Variants in VILL observed in about 807,000 individuals in gnomAD.
The protein encoded by VILL is villin-like protein.
In VILL, 102 loss-of-function variants were observed where a neutral mutation model predicts 106.3. The observed-to-expected ratio is 0.96, with a 90% CI of 0.82 to 1.13. VILL has a LOEUF of 1.13. Ranked by LOEUF, VILL falls within the 50% of genes most tolerant of loss-of-function variation. The pLI, the probability that VILL is intolerant of heterozygous loss-of-function variation, is 0.00. For missense variants in VILL, 1,076 were observed against 1,116.6 expected (o/e 0.96, Z 0.52); for synonymous variants, 431 against 440.3 (o/e 0.98, Z 0.27).
intron 1 of VILL, among the ~76,000 whole-genome samples, chr3:37,993,217 G>C (rs775998758): frequency 6.6e-6 from 1 of 152,224 alleles, no homozygotes; most frequent in Non-Finnish European, 1.5e-5. Context: ...CAGAACCACA[G>C]AGCACAGACT....
At chr3:37,993,754 G>A (rs1208831918) in intron 2 of VILL, 22 bp downstream of exon 2, 3 of 1,613,310 alleles carry the variant, frequency 1.9e-6, no homozygotes, top group Admixed American at 1.7e-5. Context: ...GACCAAATAG[G>A]AGAGTTGGTG....
chr3:37,995,790 G>T lies in VILL; in HGVS notation c.393G>T (p.Leu131Phe). 1 of 1,614,036 alleles carries T rather than the reference G, an allele frequency of 6.2e-7. No homozygotes were observed. Among genetic ancestry groups the T allele is most frequent in the Middle Eastern group, 1.6e-4 (1 of 6,062 alleles). ...ASDLKHVETN[L>F]FNIQRLLHIK... ...ACCTCAAGCATGTGGAGACCAACTT[G>T]TTCAACATCCAGCGACTGCTGCACA... The change falls in exon 5 of 20, where the codon TTG (leucine) becomes TTT (phenylalanine). Residue 131 changes from leucine to phenylalanine, a missense_variant. Physicochemically the swap from Leu to Phe is conservative, Grantham distance 22. Coordinates refer to ENST00000383759, the MANE Select transcript of VILL (RefSeq NM_015873.4).
chr3:38,001,256 G>C, intron 11 of VILL, 200 bp from the exon 12 acceptor site: 2 of 772,244 alleles, frequency 2.6e-6, no homozygotes, highest in South Asian at 1.8e-5. Flanking sequence ...TCAGGGGTCC[G>C]TGGGGAAAGG....
At chr3:37,991,627 C>T (rs564823039) in intron 1 of VILL, among the ~76,000 whole-genome samples, 75 of 151,830 alleles carry the variant, frequency 4.9e-4, no homozygotes, top group Non-Finnish European at 7.1e-4. Context: ...ATTGGGCATC[C>T]GGAAGAGAAA....
chr3:37,997,508 G>T lies in VILL; in HGVS notation c.587G>T (p.Arg196Leu), dbSNP rs753725549. ...ARGLALTYSL[R>L]DRERGGGRAQ... is the part of the protein sequence containing the mutation. ...GGGCTGGCTTTGACCTACAGCCTCC[G>T]GGACAGGGAACGTGGTGGTGGTCGT... Residue 196 changes from arginine (R) to leucine (L), a missense_variant, in exon 7 of 20, where the codon CGG becomes CTG. Physicochemically the swap from Arg to Leu is moderately radical, Grantham distance 102. Coordinates refer to ENST00000383759, the MANE Select transcript of VILL (RefSeq NM_015873.4). The surrounding 1 kb of genome is among the most constrained non-coding windows in gnomAD (Gnocchi z 4.7). The T allele has an allele frequency of 1.2e-6, 2 of 1,613,866 alleles. No homozygotes were observed. Among genetic ancestry groups the T allele is most frequent in the Non-Finnish European group, 1.7e-6 (2 of 1,180,024 alleles).
At chr3:38,005,061 TATGGTTTGCTGTCTGGCTGTGTGGCG>T (rs1241868253) in intron 16 of VILL, among the ~76,000 whole-genome samples, 1 of 152,174 alleles carries the variant, frequency 6.6e-6, no homozygotes, top group Non-Finnish European at 1.5e-5. Context: ...AGTGTGTGGC[TATGGTTTGCTGTCTGGCTGTGTGGCG>T]ATGGATGACT....
At chr3:38,002,805 T>C in intron 14 of VILL, 1 of 581,458 alleles carries the variant, frequency 1.7e-6, no homozygotes, top group Non-Finnish European at 3.0e-6. Flanking sequence ...CCGCCTCCCC[T>C]CCTTACTGCC....
rs747985354 is a variant in VILL at position 37,995,804 on chromosome 3, G to A, written c.407G>A (p.Arg136Gln). 1.3e-5 allele frequency: 21 copies of A among 1,613,770 alleles called. No individual in the cohort carries two copies. The highest frequency in any genetic ancestry group is 4.0e-5 in the African/African-American group (3 of 74,912). The change falls in exon 5 of 20, where the codon CGA (arginine) becomes CAA (glutamine). Residue 136 changes from arginine to glutamine, a missense_variant. By Grantham distance (43) the Arg-to-Gln change is conservative. Transcript: ENST00000383759. ...GAGACCAACTTGTTCAACATCCAGC[G>A]ACTGCTGCACATCAAAGGGAGGAAG... ...HVETNLFNIQRLLHIKGRKHV... is the reference protein window; with the variant it reads ...HVETNLFNIQQLLHIKGRKHV...
chr3:38,004,509 T>A (rs1453078610), intron 16 of VILL, 110 bp downstream of exon 16: 1 of 1,428,724 alleles, frequency 7.0e-7, no homozygotes, highest in African/African-American at 1.4e-5. Flanking sequence ...GGGCTGTGGG[T>A]GAGTCTGACC....
rs1254322216 is a variant in VILL at position 37,998,026 on chromosome 3, G to A, written c.765-64G>A. ...GGGACTGGGGTGGGGTCCTAAATGG[G>A]GCTGGAGTGGAGACAGATCAGGGAG... On this transcript the variant is annotated intron_variant, in intron 7 of 19. Coordinates refer to ENST00000383759, the MANE Select transcript of VILL (RefSeq NM_015873.4). The surrounding 1 kb of genome is among the most constrained non-coding windows in gnomAD (Gnocchi z 4.1). 2.2e-5 allele frequency: 33 copies of A among 1,500,988 alleles called. No individual in the cohort carries two copies. The South Asian group carries it at 3.4e-4, about 15-fold the overall frequency. The allele number at this position is 1,500,988 out of a possible 1,614,324, so 93.0% of individuals were successfully genotyped here.
In VILL at chr3:37,998,859, A is replaced by T; in HGVS notation, c.943-53A>T. 1 of 1,554,558 alleles carries T rather than the reference A, an allele frequency of 6.4e-7. No individual in the cohort carries two copies. The highest frequency in any genetic ancestry group is 1.4e-5 in the African/African-American group (1 of 72,812). Reference sequence around the variant, plus strand: ...AGAGCGGTAGGTCCCCAGGAGCGGCAGTGGGGCAGTGGACTCTCAGGGTCG... The same window carrying T: ...AGAGCGGTAGGTCCCCAGGAGCGGCTGTGGGGCAGTGGACTCTCAGGGTCG... On this transcript the variant is annotated intron_variant, in intron 9 of 19. Transcript: ENST00000383759. This position sits in a 1 kb window ranked among gnomAD's most constrained non-coding sequence, Gnocchi z 4.1.
chr3:37,997,826 TC>T lies in VILL; in HGVS notation c.764+143del. On this transcript the variant is annotated intron_variant, in intron 7 of 19. Transcript: ENST00000383759. The surrounding 1 kb of genome is among the most constrained non-coding windows in gnomAD (Gnocchi z 4.7). The stretch of plus-strand genomic sequence containing the variant: ...TGGGACAGGTCATGTGGACCGTGGG[TC>T]CAGCCTGTACTCTTCCATGGCATGT... The T allele has an allele frequency of 2.0e-6, 2 of 1,005,918 alleles. No homozygotes were observed. Among genetic ancestry groups the T allele is most frequent in the Non-Finnish European group, 1.4e-6 (1 of 693,122 alleles). 62.3% of individuals were successfully genotyped at this position (1,005,918 alleles called of 1,614,324 possible).
chr3:38,003,793 T>C (rs1323771692), intron 15 of VILL: 3 of 189,168 alleles, frequency 1.6e-5, no homozygotes, highest in African/African-American at 4.7e-5. Context: ...AGCTGAGTCC[T>C]GGTCGCTCTT....
chr3:37,999,526 T>C (rs1196890469), intron 11 of VILL, 87 bp downstream of exon 11: 2 of 1,019,632 alleles, frequency 2.0e-6, no homozygotes, highest in Non-Finnish European at 2.8e-6. Context: ...CTATCTAAAG[T>C]GACCCAGGTG....
chr3:38,003,703 G>A (rs1699862264), intron 15 of VILL: 3 of 228,130 alleles, frequency 1.3e-5, no homozygotes, highest in South Asian at 6.9e-5. Flanking sequence ...AAGAACAGGT[G>A]TATTCAGGGT....
chr3:37,995,125 G>A (rs928216092), intron 4 of VILL, among the ~76,000 whole-genome samples: 1 of 152,186 alleles, frequency 6.6e-6, no homozygotes. Flanking sequence ...AGACACCAAT[G>A]TTGTTTTGAG....
rs780681754 is a variant in VILL at position 37,994,418 on chromosome 3, A to G, written c.293A>G (p.Gln98Arg). 1.9e-6 allele frequency: 3 copies of G among 1,612,622 alleles called. No individual in the cohort carries two copies. Among genetic ancestry groups the G allele is most frequent in the Non-Finnish European group, 2.5e-6 (3 of 1,179,848 alleles). ...GGQTVLHREAQGHESDCFCSY... is the reference protein window; with the variant it reads ...GGQTVLHREARGHESDCFCSY... Reference sequence around the variant, plus strand: ...CAGACCGTGCTGCACCGCGAGGCGCAGGGCCACGAGTCCGACTGCTTCTGC... The same window carrying G: ...CAGACCGTGCTGCACCGCGAGGCGCGGGGCCACGAGTCCGACTGCTTCTGC... Residue 98 changes from glutamine to arginine, a missense_variant, in exon 4 of 20, where the codon CAG (glutamine) becomes CGG (arginine). Transcript: ENST00000383759.
In VILL at chr3:37,999,238, G is replaced by A. The variant is rs1329887058; in HGVS notation, c.1082-101G>A. On this transcript the variant is annotated intron_variant, in intron 10 of 19. Coordinates refer to ENST00000383759, the MANE Select transcript of VILL (RefSeq NM_015873.4). ...GGGCGTGGGCTGCGGAGGACGCGGC[G>A]GGACCTGGAATCTTGGAGGGATGGT... 4.1e-6 allele frequency: 5 copies of A among 1,228,716 alleles called. No individual in the cohort carries two copies. The African/African-American group carries it at 4.8e-5, about 12-fold the overall frequency. 76.1% of individuals were successfully genotyped at this position (1,228,716 alleles called of 1,614,324 possible).
Position 37,997,295 on chromosome 3 carries a change from C to T in VILL, c.561+108C>T. 2 of 1,274,808 alleles carry T rather than the reference C, an allele frequency of 1.6e-6. No individual in the cohort carries two copies. The highest frequency in any genetic ancestry group is 1.3e-5 in the South Asian group (1 of 77,368). The allele number at this position is 1,274,808 out of a possible 1,614,324, so 79.0% of individuals were successfully genotyped here. On this transcript the variant is annotated intron_variant, in intron 6 of 19. Coordinates refer to ENST00000383759, the MANE Select transcript of VILL (RefSeq NM_015873.4). The surrounding 1 kb of genome is among the most constrained non-coding windows in gnomAD (Gnocchi z 4.7). ...AGAGTTGGGCTTGGCTCTGCTACAACCCAAGAAACGCCTATGAGTTACAAG... is the reference window on the plus strand; with the variant it reads ...AGAGTTGGGCTTGGCTCTGCTACAATCCAAGAAACGCCTATGAGTTACAAG...
Sources: gnomAD v4.1 joint callset for allele counts (sites outside exome capture counted in the v4.1 genomes callset) on GRCh38, gnomAD v4.1.1 for gene constraint, Gnocchi (gnomAD v3.1) non-coding constraint, MANE v1.5 for transcripts, NCBI Gene and HGNC (gene_info 2026-07-23, HGNC 2026-07-21) for gene names.